The following PCDHGA8 variants were observed in gnomAD, a reference collection of about 807,000 sequenced individuals.
PCDHGA8 encodes the protein protocadherin gamma-A8.
Under a neutral mutation model 59.2 loss-of-function variants are expected in PCDHGA8, and 45 were observed. That is an observed-to-expected ratio of 0.76 (90% confidence interval 0.60 to 0.98). PCDHGA8 has a LOEUF of 0.98. Ranked by LOEUF, PCDHGA8 falls within the 50% of genes least tolerant of loss-of-function variation. The pLI is 0.00. For synonymous variants in PCDHGA8, 531 were observed against 519.0 expected, an observed-to-expected ratio of 1.02 and a Z score of -0.32; for missense variants, 1,257 against 1,196.2, an observed-to-expected ratio of 1.05 and a Z score of -0.75.
intron 2 of PCDHGA8, among the ~76,000 whole-genome samples, chr5:141,500,329 C>G (rs1384834356): frequency 6.6e-6 from 1 of 151,986 alleles, no homozygotes; most frequent in Non-Finnish European, 1.5e-5. Flanking sequence ...CTGCCTCAGC[C>G]TCCAGAATAG....
Position 141,492,023 on chromosome 5 carries a change from C to G in PCDHGA8, c.2425-2784C>G, listed in dbSNP as rs536734764. 1.8e-4 allele frequency: 102 copies of G among 564,804 alleles called. 3 individuals carry two copies. In the South Asian group the frequency reaches 2.8e-3, roughly 15 times the overall value. The allele number at this position is 564,804 out of a possible 1,614,324, so 35.0% of individuals were successfully genotyped here. A position where few individuals can be genotyped will look rare whatever the true frequency, so the allele number is the denominator to read the frequency against. On this transcript the variant is annotated intron_variant, in intron 1 of 3. Coordinates refer to ENST00000398604, the MANE Select transcript of PCDHGA8 (RefSeq NM_032088.2). Reference sequence around the variant, plus strand: ...CGATTTCCGCGGGTGTCGGGGGTCCCGGGAGGAGGCAGTCACAGATCCACC... The same window carrying G: ...CGATTTCCGCGGGTGTCGGGGGTCCGGGGAGGAGGCAGTCACAGATCCACC...
intron 1 of PCDHGA8, chr5:141,400,114 A>G: frequency 6.2e-7 from 1 of 1,614,074 alleles, no homozygotes; most frequent in Admixed American, 1.7e-5. Context: ...CTTTGCTGAC[A>G]GCTTGCAGGA....
rs1381162611 is a variant in PCDHGA8, at chr5:141,394,562, G to A, written c.1749G>A (p.Glu583=). Residue 583 remains glutamate (E), a synonymous_variant, in exon 1 of 4, where the codon GAG becomes GAA. Transcript: ENST00000398604. ...TGGAGCTGGCGCCCCGCTCCGCAGAGCGTGGCTACCTGGTGACCAAGGTGG... is the reference window on the plus strand; with the variant it reads ...TGGAGCTGGCGCCCCGCTCCGCAGAACGTGGCTACCTGGTGACCAAGGTGG... The part of the protein sequence containing the change: ...TGVELAPRSA[E]RGYLVTKVVA... The A allele has an allele frequency of 2.5e-6, 4 of 1,614,088 alleles. No homozygotes were observed. Among genetic ancestry groups the A allele is most frequent in the Admixed American group, 3.3e-5 (2 of 60,036 alleles).
intron 1 of PCDHGA8, among the ~76,000 whole-genome samples, chr5:141,434,630 A>G (rs2097706465): frequency 6.6e-6 from 1 of 152,106 alleles, no homozygotes; most frequent in African/African-American, 2.4e-5. Flanking sequence ...CGTTTCCCAT[A>G]AGGGATACTT....
In PCDHGA8 at chr5:141,485,124, C is replaced by A; in HGVS notation, c.2425-9683C>A. ...GCTGCTGTGGCTGTTTGGGGCGGGT[C>A]GGCTTCATCCGCGTCTCAGGAGCAA... is the stretch of plus-strand genomic sequence containing the variant. On this transcript the variant is annotated intron_variant, in intron 1 of 3. Transcript: ENST00000398604. The surrounding 1 kb of genome is among the most constrained non-coding windows in gnomAD (Gnocchi z 5.7). 2 of 1,390,136 alleles carry A rather than the reference C, an allele frequency of 1.4e-6. No homozygotes were observed. The highest frequency in any genetic ancestry group is 2.5e-5 in the South Asian group (2 of 80,180). 86.1% of individuals were successfully genotyped at this position (1,390,136 alleles called of 1,614,324 possible). A position where few individuals can be genotyped will look rare whatever the true frequency, so the allele number is the denominator to read the frequency against.
Position 141,489,338 on chromosome 5 carries a change from A to T in PCDHGA8, c.2425-5469A>T, listed in dbSNP as rs1303176012. 1 of 1,608,414 alleles carries T rather than the reference A, an allele frequency of 6.2e-7. No homozygotes were observed. Among genetic ancestry groups the T allele is most frequent in the South Asian group, 1.1e-5 (1 of 90,478 alleles). ...GGCTGGGTGTCTGGGCAGCTTCGTTACTCAGTGGTGGAGGAGTCTGAGCCG... is the reference window on the plus strand; with the variant it reads ...GGCTGGGTGTCTGGGCAGCTTCGTTTCTCAGTGGTGGAGGAGTCTGAGCCG... On this transcript the variant is annotated intron_variant, in intron 1 of 3. Coordinates refer to ENST00000398604, the MANE Select transcript of PCDHGA8 (RefSeq NM_032088.2). This position sits in a 1 kb window ranked among gnomAD's most constrained non-coding sequence, Gnocchi z 4.5.
intron 1 of PCDHGA8, chr5:141,405,392 TTC>T (rs1477182661): frequency 6.3e-7 from 1 of 1,595,986 alleles, no homozygotes; most frequent in Non-Finnish European, 8.5e-7. Flanking sequence ...TTCATTTTTT[TTC>T]TTTCTTTCTT....
chr5:141,483,951 TTG>T (rs1298075162), intron 1 of PCDHGA8, among the ~76,000 whole-genome samples: 2 of 147,758 alleles, frequency 1.4e-5, no homozygotes, highest in Non-Finnish European at 3.0e-5. Flanking sequence ...GTGAATTGTG[TTG>T]TGTTTCTGTG....
At chr5:141,410,258 G>C in intron 1 of PCDHGA8, 1 of 1,614,022 alleles carries the variant, frequency 6.2e-7, no homozygotes, top group Non-Finnish European at 8.5e-7. Context: ...TGACCCCCAG[G>C]CTGAACTGCA....
At chr5:141,488,042 G>T (rs2099670966) in intron 1 of PCDHGA8, among the ~76,000 whole-genome samples, 1 of 152,168 alleles carries the variant, frequency 6.6e-6, no homozygotes, top group Non-Finnish European at 1.5e-5. Context: ...TTTCCCAAGG[G>T]ATTGAGGGGA....
chr5:141,410,661 A>G, intron 1 of PCDHGA8: 1 of 1,572,394 alleles, frequency 6.4e-7, no homozygotes, highest in Non-Finnish European at 8.6e-7. Context: ...CTAATAGTCT[A>G]CTAGTTTCTC....
chr5:141,400,129 C>T (rs530393607), intron 1 of PCDHGA8: 1 of 1,614,104 alleles, frequency 6.2e-7, no homozygotes, highest in Admixed American at 1.7e-5. Flanking sequence ...GCAGGAGGTG[C>T]TGCCGGATAT....
intron 1 of PCDHGA8, chr5:141,414,799 G>T (rs1177065576): frequency 1.9e-6 from 3 of 1,614,096 alleles, no homozygotes; most frequent in Non-Finnish European, 2.5e-6. Flanking sequence ...CAGCGACAGC[G>T]GGGATCCTCC....
At chr5:141,419,239 C>A in intron 1 of PCDHGA8, 3 of 1,614,008 alleles carry the variant, frequency 1.9e-6, no homozygotes, top group Non-Finnish European at 2.5e-6. Flanking sequence ...ACCTGGTCCA[C>A]GTGCCAGAAA....
chr5:141,418,988 G>A, intron 1 of PCDHGA8: 1 of 1,613,946 alleles, frequency 6.2e-7, no homozygotes, highest in Non-Finnish European at 8.5e-7. Context: ...CCAAGACTCA[G>A]GGGAAAATGG....
intron 1 of PCDHGA8, among the ~76,000 whole-genome samples, chr5:141,467,735 C>T (rs557555571): frequency 3.3e-5 from 5 of 152,182 alleles, no homozygotes; most frequent in East Asian, 3.9e-4. Flanking sequence ...AATCCCAGCT[C>T]GCTGCAACCT....
chr5:141,478,724 G>T, intron 1 of PCDHGA8: 2 of 1,542,774 alleles, frequency 1.3e-6, no homozygotes, highest in Non-Finnish European at 1.8e-6. Context: ...TGGCCTGCCA[G>T]AGTGTGGTTT....
chr5:141,396,708 T>C (rs1402538886), intron 1 of PCDHGA8: 1 of 152,190 alleles, frequency 6.6e-6, no homozygotes, highest in Admixed American at 6.5e-5. Flanking sequence ...AGCATTTGAA[T>C]AAAGCTAATA....
chr5:141,509,787 TCTC>T (rs2099878266), intron 3 of PCDHGA8, among the ~76,000 whole-genome samples: 1 of 152,132 alleles, frequency 6.6e-6, no homozygotes, highest in Non-Finnish European at 1.5e-5. Context: ...GAGATCATCA[TCTC>T]CTCAGCTTCA....
Sources: allele counts gnomAD v4.1 joint callset (sites outside exome capture counted in the v4.1 genomes callset), GRCh38; gene constraint gnomAD v4.1.1; non-coding constraint Gnocchi (gnomAD v3.1); transcripts MANE v1.5; gene names NCBI Gene and HGNC (gene_info 2026-07-23, HGNC 2026-07-21).